The following AKAP10 variants were observed in gnomAD, a reference collection of about 807,000 sequenced individuals.
AKAP10 encodes the protein A-kinase anchoring protein 10, also known as A-kinase anchor protein 10, mitochondrial.
In AKAP10, 24 loss-of-function variants were observed where a neutral mutation model predicts 80.8. The observed-to-expected ratio is 0.30, with a 90% confidence interval of 0.22 to 0.42. The LOEUF is 0.42. AKAP10 is among the 10% of genes least tolerant of loss of function. The pLI, the probability that AKAP10 is intolerant of heterozygous loss-of-function variation, is 1.00. For synonymous variants in AKAP10, 291 were observed against 277.7 expected (o/e 1.05, Z -0.48); for missense variants, 661 against 794.9 (o/e 0.83, Z 2.03).
rs772496178 is a variant in AKAP10, at chr17:19,958,842, C to CTT, written c.320-273_320-272dup. Among the ~76,000 whole-genome samples, 219 of 92,944 alleles carry CTT rather than the reference C, an allele frequency of 2.4e-3. 2 individuals are homozygous for CTT. The highest frequency in any genetic ancestry group is 6.0e-3 in the African/African-American group (170 of 28,200). The allele number at this position is 92,944 out of a possible 152,430, so 61.0% of individuals were successfully genotyped here. ...AATGGCAATTCAGACCATGTAAATT[C>CTT]TTTTTTTTTTTTTTTTTTTTTTTTT... is the stretch of plus-strand genomic sequence containing the variant. On this transcript the variant is annotated intron_variant, in intron 3 of 14. Coordinates refer to ENST00000225737, the MANE Select transcript of AKAP10 (RefSeq NM_007202.4).
chr17:19,948,933 G>C (rs2043167466), intron 4 of AKAP10, among the ~76,000 whole-genome samples: 1 of 152,220 alleles, frequency 6.6e-6, no homozygotes, highest in Non-Finnish European at 1.5e-5. Flanking sequence ...ACCTAACTAG[G>C]TCAACTGCTT....
intron 14 of AKAP10, among the ~76,000 whole-genome samples, chr17:19,907,457 C>A (rs1003490193): frequency 4.8e-5 from 7 of 145,256 alleles, no homozygotes; most frequent in African/African-American, 1.8e-4. Flanking sequence ...GTTGTCCAGG[C>A]TGGAGTACAA....
rs528364675 is a variant in AKAP10 at position 19,970,950 on chromosome 17, A to G, written c.89-2489T>C. ...ACGGTCTTGCTTTGTTGTCCAGGCT[A>G]GAGTGCAGTGGCCTGATAACACTCG... On this transcript the variant is annotated intron_variant, in intron 1 of 14. Transcript: ENST00000225737. 2.6e-5 allele frequency among the ~76,000 whole-genome samples: 4 copies of G among 152,088 alleles called. No individual in the cohort carries two copies. In the South Asian group the frequency reaches 6.2e-4, roughly 24 times the overall value.
chr17:19,941,956 T>C, intron 5 of AKAP10, 46 bp from the exon 6 acceptor site: 2 of 1,566,038 alleles, frequency 1.3e-6, no homozygotes, highest in Non-Finnish European at 1.7e-6. Context: ...AAATTCAAAC[T>C]ATGTATACAC....
chr17:19,918,243 GAA>G (rs2042770859), intron 12 of AKAP10, among the ~76,000 whole-genome samples: 4 of 137,406 alleles, frequency 2.9e-5, no homozygotes, highest in African/African-American at 1.1e-4. Context: ...AAAAAAAAAA[GAA>G]AATAAGATAA....
At chr17:19,969,173 A>G (rs540712173) in intron 1 of AKAP10, among the ~76,000 whole-genome samples, 3 of 152,180 alleles carry the variant, frequency 2.0e-5, no homozygotes, top group Middle Eastern at 3.4e-3. Flanking sequence ...GTGAAACCCC[A>G]TCTCTACTAA....
chr17:19,917,960 C>A (rs564096347), intron 12 of AKAP10, among the ~76,000 whole-genome samples: 14 of 152,106 alleles, frequency 9.2e-5, no homozygotes, highest in Middle Eastern at 3.4e-3. Context: ...GTGGCTCACA[C>A]TTGTAATCTC....
Position 19,940,786 on chromosome 17 carries a change from G to A in AKAP10, c.1185+101C>T, listed in dbSNP as rs2043043389. 4.6e-6 allele frequency: 6 copies of A among 1,317,086 alleles called. No individual in the cohort carries two copies. The South Asian group carries it at 1.2e-4, about 27-fold the overall frequency. 81.6% of individuals were successfully genotyped at this position (1,317,086 alleles called of 1,614,324 possible). A position where few individuals can be genotyped will look rare whatever the true frequency, so the allele number is the denominator to read the frequency against. ...AACAATGATACATCTTTTTGGAAAT[G>A]ACTTGGCTCTTCTGTGTTATTTCCT... On this transcript the variant is annotated intron_variant, in intron 7 of 14. Coordinates refer to ENST00000225737, the MANE Select transcript of AKAP10 (RefSeq NM_007202.4).
In AKAP10 at chr17:19,909,265, C is replaced by A; in HGVS notation, c.1899G>T (p.Glu633Asp). 1.2e-6 allele frequency: 2 copies of A among 1,613,084 alleles called. No individual in the cohort carries two copies. The highest frequency in any genetic ancestry group is 1.7e-6 in the Non-Finnish European group (2 of 1,179,792). The change falls in exon 14 of 15, where the codon GAG becomes GAT. Residue 633 changes from glutamate (E) to aspartate (D), a missense_variant. Glu to Asp is a conservative substitution (Grantham distance 45, BLOSUM62 2). Transcript: ENST00000225737. ...VQGNTDEAQE[E>D]LAWKIAKMIV... ...TCATTTTAGCAATCTTCCAAGCTAG[C>A]TCTTCCTGGGCCTAAAGAAAATAAT...
intron 4 of AKAP10, among the ~76,000 whole-genome samples, chr17:19,950,197 T>C (rs1230225961): frequency 1.3e-5 from 2 of 152,136 alleles, no homozygotes; most frequent in South Asian, 2.1e-4. Context: ...CCCAGCTACT[T>C]GGGAGCTGTG....
chr17:19,927,090 A>T (rs2042882645), intron 10 of AKAP10, among the ~76,000 whole-genome samples: 1 of 152,154 alleles, frequency 6.6e-6, no homozygotes, highest in Admixed American at 6.6e-5. Flanking sequence ...TAATCCCAGC[A>T]CTCTGGGAGG....
At position 19,905,572 on chromosome 17, in the gene AKAP10, C is replaced by T. The variant is rs924760097; in HGVS notation, c.*655G>A. 1.3e-5 allele frequency: 2 copies of T among 152,630 alleles called. No homozygotes were observed. The highest frequency in any genetic ancestry group is 2.9e-5 in the Non-Finnish European group (2 of 68,054). The allele number at this position is 152,630 out of a possible 1,614,324, so 9.5% of individuals were successfully genotyped here. On this transcript the variant is annotated 3_prime_UTR_variant, in exon 15 of 15. Coordinates refer to ENST00000225737, the MANE Select transcript of AKAP10 (RefSeq NM_007202.4). ...GAGAATGGTTTTAAGTATAGTGCAT[C>T]TCAGGAGGAGGAATTAAAATGTGAA...
chr17:19,928,509 T>C (rs1042365319), intron 10 of AKAP10, among the ~76,000 whole-genome samples: 3 of 152,310 alleles, frequency 2.0e-5, no homozygotes, highest in Non-Finnish European at 4.4e-5. Flanking sequence ...GAAAACAATC[T>C]GGCAGTTTTT....
At position 19,931,899 on chromosome 17, in the gene AKAP10, T is replaced by G. The variant is rs755507353; in HGVS notation, c.1547A>C (p.Glu516Ala). The change falls in exon 10 of 15, where the codon GAA (glutamate) becomes GCA (alanine). Residue 516 changes from glutamate to alanine, a missense_variant. Coordinates refer to ENST00000225737, the MANE Select transcript of AKAP10 (RefSeq NM_007202.4). ...NDLIHSVRGD[E>A]FLGGNVSLTA... ...CAGCGACACGTTCCCGCCCAGAAAT[T>G]CATCTCCTCGAACCGAATGGATGAG... 1.9e-6 allele frequency: 3 copies of G among 1,614,080 alleles called. No homozygotes were observed. The East Asian group carries it at 6.7e-5, about 36-fold the overall frequency.
chr17:19,911,973 G>C (rs203460), intron 12 of AKAP10, among the ~76,000 whole-genome samples: 64,959 of 150,664 alleles, frequency 0.43, 14,734 homozygotes, highest in African/African-American at 0.59. Flanking sequence ...CCAATGTATC[G>C]AAGCACAAGG....
intron 6 of AKAP10, among the ~76,000 whole-genome samples, chr17:19,941,451 C>T (rs1456683800): frequency 6.6e-6 from 1 of 152,162 alleles, no homozygotes; most frequent in Non-Finnish European, 1.5e-5. Flanking sequence ...TATATAGCAT[C>T]CATTTAGCTT....
At chr17:19,939,514 A>AT (rs2043029527) in intron 8 of AKAP10, among the ~76,000 whole-genome samples, 199 bp downstream of exon 8, 1 of 152,142 alleles carries the variant, frequency 6.6e-6, no homozygotes, top group Non-Finnish European at 1.5e-5. Context: ...TGTTTACCCC[A>AT]CATACACCTC....
intron 8 of AKAP10, among the ~76,000 whole-genome samples, chr17:19,937,169 G>C (rs1004796023): frequency 6.6e-6 from 1 of 152,112 alleles, no homozygotes; most frequent in African/African-American, 2.4e-5. Context: ...AAATACAAAG[G>C]TTGATAATGC....
At chr17:19,957,693 T>C (rs768248322) in intron 4 of AKAP10, among the ~76,000 whole-genome samples, 1 of 152,230 alleles carries the variant, frequency 6.6e-6, no homozygotes, top group Non-Finnish European at 1.5e-5. Context: ...AGTAAAATAT[T>C]AATAAAATTA....
Sources: allele counts gnomAD v4.1 joint callset (sites outside exome capture counted in the v4.1 genomes callset), GRCh38; gene constraint gnomAD v4.1.1; transcripts MANE v1.5; gene names NCBI Gene and HGNC (gene_info 2026-07-23, HGNC 2026-07-21).